Variants in SCHIP1 observed in about 807,000 individuals in gnomAD.
The protein encoded by SCHIP1 is schwannomin-interacting protein 1.
A neutral mutation model predicts 29.7 loss-of-function variants in SCHIP1; 8 were observed. That is an observed-to-expected ratio of 0.27 (90% confidence interval 0.16 to 0.49). The LOEUF is 0.49. Ranked by LOEUF, SCHIP1 falls within the 20% of genes least tolerant of loss-of-function variation. The pLI is 0.99. For missense variants in SCHIP1, 193 were observed against 294.6 expected, an observed-to-expected ratio of 0.66 and a Z score of 2.52; for synonymous variants, 76 against 94.9, an observed-to-expected ratio of 0.80 and a Z score of 1.16.
chr3:159,837,538 C>A (rs1351284127), upstream of SCHIP1, among the ~76,000 whole-genome samples: 1 of 152,128 alleles, frequency 6.6e-6, no homozygotes, highest in Non-Finnish European at 1.5e-5. Flanking sequence ...GCCTGGCCAA[C>A]AAGGTGAAAC....
the SCHIP1 span, among the ~76,000 whole-genome samples, chr3:159,813,386 G>A: frequency 0.13 from 19,407 of 152,200 alleles, 1,461 homozygotes; most frequent in Middle Eastern, 0.29. Context: ...ATAAGTGGCA[G>A]TTCTGTGATT....
the SCHIP1 span, among the ~76,000 whole-genome samples, chr3:159,390,939 A>G: frequency 6.6e-6 from 1 of 152,194 alleles, no homozygotes; most frequent in Non-Finnish European, 1.5e-5. Context: ...CACTTGCTTT[A>G]TCCTTTCATA....
At chr3:159,854,123 T>C (rs1282964837) in intron 1 of SCHIP1, among the ~76,000 whole-genome samples, 1 of 152,188 alleles carries the variant, frequency 6.6e-6, no homozygotes, top group Non-Finnish European at 1.5e-5. Flanking sequence ...TTGCCACAAG[T>C]CAAGTGTAGT....
the SCHIP1 span, among the ~76,000 whole-genome samples, chr3:159,576,810 C>T: frequency 6.6e-6 from 1 of 152,184 alleles, no homozygotes; most frequent in East Asian, 1.9e-4. Context: ...GAAACACACA[C>T]TTAGGTTTAC....
the SCHIP1 span, among the ~76,000 whole-genome samples, chr3:159,626,263 GA>G: frequency 8.7e-6 from 1 of 115,336 alleles, no homozygotes; most frequent in Non-Finnish European, 1.9e-5. Context: ...TAGATAGATA[GA>G]TAGATAGATA....
the SCHIP1 span, among the ~76,000 whole-genome samples, chr3:159,623,881 T>G: frequency 6.6e-6 from 1 of 152,120 alleles, no homozygotes; most frequent in African/African-American, 2.4e-5. Context: ...CTCACAAAAG[T>G]AGACAACTTG....
the SCHIP1 span, among the ~76,000 whole-genome samples, chr3:159,384,527 A>AT: frequency 1.4e-5 from 2 of 144,724 alleles, no homozygotes; most frequent in African/African-American, 5.1e-5. Flanking sequence ...TTTATTGAGG[A>AT]TTTTTGCATC....
chr3:159,472,807 C>T, the SCHIP1 span, among the ~76,000 whole-genome samples: 1 of 152,088 alleles, frequency 6.6e-6, no homozygotes, highest in African/African-American at 2.4e-5. Flanking sequence ...AATGGGTGTG[C>T]TGTATGAGTG....
At chr3:159,632,178 G>A in the SCHIP1 span, among the ~76,000 whole-genome samples, 5 of 152,132 alleles carry the variant, frequency 3.3e-5, no homozygotes, top group Admixed American at 1.3e-4. Context: ...GCTATGTGTC[G>A]TCTTGCCCTA....
chr3:159,874,316 T>C (rs964473167), intron 2 of SCHIP1, among the ~76,000 whole-genome samples: 14 of 152,186 alleles, frequency 9.2e-5, no homozygotes, highest in Admixed American at 7.9e-4. Context: ...AAACAGAAAT[T>C]CCCCAGAGAA....
chr3:159,458,578 T>C, the SCHIP1 span, among the ~76,000 whole-genome samples: 1 of 151,404 alleles, frequency 6.6e-6, no homozygotes, highest in Non-Finnish European at 1.5e-5. Flanking sequence ...TTTTTTTTTT[T>C]AAAGGAGTTA....
At chr3:159,606,612 A>G in the SCHIP1 span, among the ~76,000 whole-genome samples, 1 of 152,052 alleles carries the variant, frequency 6.6e-6, no homozygotes, top group Non-Finnish European at 1.5e-5. Flanking sequence ...AATAAGAAGG[A>G]TGGCAGGACA....
the SCHIP1 span, among the ~76,000 whole-genome samples, chr3:159,317,337 C>T: frequency 2.0e-5 from 3 of 152,188 alleles, no homozygotes; most frequent in Non-Finnish European, 4.4e-5. Flanking sequence ...TGTTGTGTCT[C>T]CTGGTGGCAG....
the SCHIP1 span, among the ~76,000 whole-genome samples, chr3:159,583,472 G>A: frequency 6.3e-4 from 96 of 152,210 alleles, no homozygotes; most frequent in African/African-American, 2.1e-3. Context: ...GAGAATATCC[G>A]CTAAACATTA....
chr3:159,298,760 A>G, the SCHIP1 span, among the ~76,000 whole-genome samples: 2 of 152,258 alleles, frequency 1.3e-5, no homozygotes, highest in African/African-American at 4.8e-5. Flanking sequence ...CTGCAAGGCA[A>G]GCATCAGAAA....
At chr3:159,857,948 C>T (rs1713580121) in intron 1 of SCHIP1, among the ~76,000 whole-genome samples, 1 of 152,160 alleles carries the variant, frequency 6.6e-6, no homozygotes, top group African/African-American at 2.4e-5. Context: ...ATACTCCTCC[C>T]CACCTTCTTT....
the SCHIP1 span, among the ~76,000 whole-genome samples, chr3:159,431,946 A>G: frequency 6.6e-6 from 1 of 151,520 alleles, no homozygotes; most frequent in Non-Finnish European, 1.5e-5. Flanking sequence ...TTACCTTTTT[A>G]TCTTGGCATT....
chr3:159,759,264 A>G, the SCHIP1 span, among the ~76,000 whole-genome samples: 1 of 152,216 alleles, frequency 6.6e-6, no homozygotes, highest in Non-Finnish European at 1.5e-5. Context: ...ATAGACTAGT[A>G]AGTTAAGATT....
the SCHIP1 span, among the ~76,000 whole-genome samples, chr3:159,298,934 C>G: frequency 1.3e-5 from 2 of 152,190 alleles, no homozygotes; most frequent in African/African-American, 4.8e-5. Context: ...TTCACCTACT[C>G]CAGCCCTCTT....
Sources: allele counts gnomAD v4.1 joint callset (sites outside exome capture counted in the v4.1 genomes callset), GRCh38; gene constraint gnomAD v4.1.1; transcripts MANE v1.5; gene names NCBI Gene and HGNC (gene_info 2026-07-23, HGNC 2026-07-21).